AEBP2: variants seen among roughly 807,000 people sequenced by gnomAD.
AEBP2 encodes AE binding protein 2.
Under a neutral mutation model 50.8 loss-of-function variants are expected in AEBP2, and 10 were observed. The observed-to-expected ratio is 0.20, with a 90% CI of 0.12 to 0.33. AEBP2 has a LOEUF of 0.33. Among genes scored for constraint, AEBP2 ranks in the 10% least tolerant of loss-of-function variants. The pLI is 1.00. For synonymous variants in AEBP2, 296 were observed against 261.3 expected (o/e 1.13, Z -1.28); for missense variants, 570 against 688.0 (o/e 0.83, Z 1.92).
chr12:19,405,968 G>GT (rs35045932), intron 1 of AEBP2, among the ~76,000 whole-genome samples: 161 of 129,794 alleles, frequency 1.2e-3, no homozygotes, highest in Admixed American at 1.6e-3. Context: ...TGCCTGGCCA[G>GT]TTTTTTTTTT....
intron 1 of AEBP2, among the ~76,000 whole-genome samples, chr12:19,432,669 G>C (rs932502484): frequency 3.9e-5 from 6 of 152,090 alleles, no homozygotes; most frequent in Admixed American, 6.6e-5. Context: ...ACTCCAGCCT[G>C]GGCAACAGAG....
intron 6 of AEBP2, among the ~76,000 whole-genome samples, chr12:19,513,343 A>G (rs1949265409): frequency 6.6e-6 from 1 of 152,140 alleles, no homozygotes; most frequent in African/African-American, 2.4e-5. Context: ...TTTCTTATTA[A>G]AATTTTCTTT....
chr12:19,484,515 C>T (rs1281440948), intron 3 of AEBP2, among the ~76,000 whole-genome samples: 1 of 151,918 alleles, frequency 6.6e-6, no homozygotes, highest in Non-Finnish European at 1.5e-5. Flanking sequence ...GCTGGGACTA[C>T]AGGTACCCAC....
intron 1 of AEBP2, among the ~76,000 whole-genome samples, chr12:19,447,528 C>G (rs928433004): frequency 2.0e-5 from 3 of 152,194 alleles, no homozygotes; most frequent in African/African-American, 7.2e-5. Flanking sequence ...TTTCCAGACA[C>G]AACCGTCACT....
chr12:19,428,696 C>T (rs909360958), intron 1 of AEBP2, among the ~76,000 whole-genome samples: 3 of 152,096 alleles, frequency 2.0e-5, no homozygotes, highest in Admixed American at 2.0e-4. Flanking sequence ...ACCTGTAGTT[C>T]CAGCTACTTG....
intron 1 of AEBP2, among the ~76,000 whole-genome samples, chr12:19,458,415 TC>T (rs1320013039): frequency 6.6e-6 from 1 of 152,272 alleles, no homozygotes; most frequent in East Asian, 1.9e-4. Context: ...TCTTGAGTGT[TC>T]CAGGACGTGC....
intron 1 of AEBP2, among the ~76,000 whole-genome samples, chr12:19,430,031 T>G (rs1402132825): frequency 6.6e-6 from 1 of 152,134 alleles, no homozygotes; most frequent in Admixed American, 6.6e-5. Context: ...TTTTGGTGTT[T>G]TAGACATGAA....
chr12:19,438,603 G>C (rs1480630221), upstream of AEBP2, among the ~76,000 whole-genome samples: 1 of 152,122 alleles, frequency 6.6e-6, no homozygotes, highest in East Asian at 1.9e-4. Context: ...GATTTGTTTT[G>C]ATCGGTTGAA....
intron 1 of AEBP2, among the ~76,000 whole-genome samples, chr12:19,428,860 G>A (rs562315239): frequency 1.3e-5 from 2 of 152,092 alleles, no homozygotes; most frequent in South Asian, 2.1e-4. Flanking sequence ...TCATTTAGGC[G>A]GGGCCTGGTG....
At chr12:19,421,360 A>G (rs1424027484) in intron 1 of AEBP2, among the ~76,000 whole-genome samples, 1 of 151,306 alleles carries the variant, frequency 6.6e-6, no homozygotes, top group Non-Finnish European at 1.5e-5. Context: ...AAAAAAAAAA[A>G]AAAAAAGAAA....
intron 6 of AEBP2, among the ~76,000 whole-genome samples, chr12:19,512,903 A>G (rs1265049316): frequency 2.0e-5 from 3 of 152,292 alleles, no homozygotes; most frequent in East Asian, 3.9e-4. Flanking sequence ...AGCCGAGATC[A>G]TGCCACTGCA....
intron 1 of AEBP2, among the ~76,000 whole-genome samples, chr12:19,443,653 G>C (rs569982096): frequency 5.3e-5 from 8 of 152,146 alleles, no homozygotes; most frequent in African/African-American, 1.9e-4. Flanking sequence ...AATCTGGGAG[G>C]CGGAGGTTAC....
intron 2 of AEBP2, among the ~76,000 whole-genome samples, chr12:19,466,413 C>T (rs1038927279): frequency 3.3e-5 from 5 of 151,900 alleles, no homozygotes; most frequent in Admixed American, 1.3e-4. Flanking sequence ...ATCGTGCCAC[C>T]GCACTCCAGC....
Position 19,474,109 on chromosome 12 carries a change from T to G in AEBP2, c.987+754T>G, listed in dbSNP as rs7314642. On this transcript the variant is annotated intron_variant, in intron 3 of 7. Coordinates refer to ENST00000266508, the MANE Select transcript of AEBP2 (RefSeq NM_153207.5). ...TCACTCAGTTTTGAGGTCACACTAC[T>G]GAGCTTAGTTGTAATTAGTTGTAAA... Among the ~76,000 whole-genome samples, 72 of 152,346 alleles carry G rather than the reference T, an allele frequency of 4.7e-4. 1 individual carries two copies. The highest frequency in any genetic ancestry group is 1.7e-3 in the African/African-American group (69 of 41,584).
At chr12:19,512,532 C>T (rs1188450717) in intron 6 of AEBP2, 67 bp downstream of exon 6, 1 of 993,422 alleles carries the variant, frequency 1.0e-6, no homozygotes, top group African/African-American at 1.7e-5. Flanking sequence ...ATCTTACACA[C>T]AAAAATTATT....
upstream of AEBP2, among the ~76,000 whole-genome samples, chr12:19,434,728 G>T (rs888794257): frequency 7.9e-5 from 12 of 152,136 alleles, no homozygotes; most frequent in Admixed American, 7.9e-4. Context: ...TTTTGAGAGT[G>T]AAATAATGAC....
intron 5 of AEBP2, among the ~76,000 whole-genome samples, chr12:19,504,251 T>C (rs927780324): frequency 6.6e-6 from 1 of 150,708 alleles, no homozygotes; most frequent in Non-Finnish European, 1.5e-5. Flanking sequence ...ATATATTTTT[T>C]TGAGACGGAG....
Position 19,462,721 on chromosome 12 carries a change from G to A in AEBP2, c.879+4G>A. 1 of 1,559,946 alleles carries A rather than the reference G, an allele frequency of 6.4e-7. No homozygotes were observed. The highest frequency in any genetic ancestry group is 1.2e-5 in the South Asian group (1 of 82,820). On this transcript the variant is annotated splice_donor_region_variant and intron_variant, in intron 2 of 7. Transcript: ENST00000266508. ...TGTAGATGGTCAGCGAGGAGGGGTT[G>A]GTTTTGTCATTTCTTTTTTTCGCTC...
chr12:19,461,306 A>C (rs931086635), intron 1 of AEBP2, among the ~76,000 whole-genome samples: 1 of 152,208 alleles, frequency 6.6e-6, no homozygotes, highest in African/African-American at 2.4e-5. Context: ...TTTTGAAAAA[A>C]GAAAATAAGT....
Sources: allele counts gnomAD v4.1 joint callset (sites outside exome capture counted in the v4.1 genomes callset), GRCh38; gene constraint gnomAD v4.1.1; transcripts MANE v1.5; gene names NCBI Gene and HGNC (gene_info 2026-07-23, HGNC 2026-07-21).